ACOXL: variants seen among roughly 807,000 people sequenced by gnomAD.
ACOXL encodes acyl-coenzyme A oxidase-like protein.
A neutral mutation model predicts 71.9 loss-of-function variants in ACOXL; 70 were observed. That is an observed-to-expected ratio of 0.97 (90% CI 0.80 to 1.19). The LOEUF (loss-of-function observed/expected upper bound fraction) is 1.19, where lower values mean the gene tolerates loss of function less well. ACOXL is among the 50% of genes most tolerant of loss of function. The pLI is 0.00. For synonymous variants in ACOXL, 253 were observed against 281.6 expected, an observed-to-expected ratio of 0.90 and a Z score of 1.02; for missense variants, 703 against 736.3, an observed-to-expected ratio of 0.95 and a Z score of 0.52.
chr2:111,083,147 CA>C (rs1574706829), intron 16 of ACOXL, among the ~76,000 whole-genome samples: 1 of 152,080 alleles, frequency 6.6e-6, no homozygotes, highest in East Asian at 1.9e-4. Context: ...CAAACCTGCA[CA>C]TTCTGCGCAT....
intron 10 of ACOXL, among the ~76,000 whole-genome samples, chr2:110,901,697 C>T (rs1005482621): frequency 2.0e-5 from 3 of 151,990 alleles, no homozygotes; most frequent in African/African-American, 7.3e-5. Context: ...TACACACACA[C>T]AGGCTTCTTC....
rs151316915 is a variant in ACOXL at position 110,993,917 on chromosome 2, A to G, written c.1170-1976A>G. 4.5e-3 allele frequency among the ~76,000 whole-genome samples: 684 copies of G among 152,342 alleles called. 5 individuals carry two copies. Among genetic ancestry groups the G allele is most frequent in the African/African-American group, 0.015 (643 of 41,570 alleles). On this transcript the variant is annotated intron_variant, in intron 13 of 17. Transcript: ENST00000439055. ...AATTTAATTTAAACTTTATTTAAAA[A>G]TAGAGTCATTTGGATCTTCTTGTAA...
chr2:111,117,905 T>C lies in ACOXL; in HGVS notation c.*89T>C. On this transcript the variant is annotated 3_prime_UTR_variant, in exon 18 of 18. Coordinates refer to ENST00000439055, the MANE Select transcript of ACOXL (RefSeq NM_001142807.4). ...CAGAGCTGTGGCCGAGGCCGGGGGC[T>C]GGCACCCGCTGGGCCGCCACTCTCG... The C allele has an allele frequency of 1.4e-6, 2 of 1,387,068 alleles. No individual in the cohort carries two copies. The highest frequency in any genetic ancestry group is 1.9e-6 in the Non-Finnish European group (2 of 1,042,086). The allele number at this position is 1,387,068 out of a possible 1,614,324, so 85.9% of individuals were successfully genotyped here. A position where few individuals can be genotyped will look rare whatever the true frequency, so the allele number is the denominator to read the frequency against.
chr2:110,777,470 A>G (rs1031815155), intron 2 of ACOXL, among the ~76,000 whole-genome samples: 4 of 152,248 alleles, frequency 2.6e-5, no homozygotes, highest in Admixed American at 2.6e-4. Flanking sequence ...TCTAAAGTTC[A>G]TAGTAAATGA....
chr2:110,823,018 C>G (rs150970366), intron 9 of ACOXL, among the ~76,000 whole-genome samples: 104 of 152,188 alleles, frequency 6.8e-4, no homozygotes, highest in African/African-American at 2.3e-3. Flanking sequence ...TTTGGGAGGC[C>G]GAAGCAGGTG....
chr2:110,902,746 C>T (rs1040380697), intron 10 of ACOXL, among the ~76,000 whole-genome samples: 14 of 152,174 alleles, frequency 9.2e-5, no homozygotes, highest in African/African-American at 2.9e-4. Context: ...AAATATTTGC[C>T]CTCTGAGTTT....
At chr2:110,981,463 G>C (rs199583794) in intron 12 of ACOXL, among the ~76,000 whole-genome samples, 1 of 152,176 alleles carries the variant, frequency 6.6e-6, no homozygotes. Context: ...TTGGACCATG[G>C]GGTGAGCGAT....
intron 14 of ACOXL, among the ~76,000 whole-genome samples, chr2:110,998,568 G>A (rs938153562): frequency 1.3e-5 from 2 of 152,192 alleles, no homozygotes; most frequent in African/African-American, 4.8e-5. Flanking sequence ...CCCATTAATT[G>A]TGATATCCCC....
intron 11 of ACOXL, among the ~76,000 whole-genome samples, chr2:110,919,885 A>AAT (rs2149285785): frequency 6.6e-6 from 1 of 152,306 alleles, no homozygotes; most frequent in Non-Finnish European, 1.5e-5. Flanking sequence ...TGTGTGAGTC[A>AAT]ATATTTTCCT....
intron 17 of ACOXL, among the ~76,000 whole-genome samples, chr2:111,109,599 T>C (rs914862474): frequency 5.3e-5 from 8 of 152,060 alleles, no homozygotes; most frequent in Admixed American, 3.3e-4. Flanking sequence ...TTTCCTTTCA[T>C]TCTTTCTTAG....
chr2:111,085,150 A>G (rs960291437), intron 16 of ACOXL, among the ~76,000 whole-genome samples: 1 of 152,154 alleles, frequency 6.6e-6, no homozygotes, highest in African/African-American at 2.4e-5. Context: ...CAGCACCTCA[A>G]TGACAGTATT....
intron 2 of ACOXL, among the ~76,000 whole-genome samples, chr2:110,775,547 G>GA (rs897696949): frequency 1.3e-5 from 2 of 151,724 alleles, no homozygotes; most frequent in South Asian, 2.1e-4. Context: ...AACTCAACAA[G>GA]AAAAAAACCA....
chr2:110,836,025 C>T (rs923568138), intron 9 of ACOXL, among the ~76,000 whole-genome samples: 24 of 152,168 alleles, frequency 1.6e-4, no homozygotes, highest in African/African-American at 5.8e-4. Flanking sequence ...TTACTTCCAC[C>T]AGCATCTCTA....
chr2:110,859,193 A>G (rs977224825), intron 10 of ACOXL, among the ~76,000 whole-genome samples: 1 of 152,228 alleles, frequency 6.6e-6, no homozygotes, highest in African/African-American at 2.4e-5. Context: ...TCCAAAACAA[A>G]GAGAAAGAGA....
At chr2:110,875,080 A>G (rs555240785) in intron 10 of ACOXL, among the ~76,000 whole-genome samples, 42 of 152,274 alleles carry the variant, frequency 2.8e-4, no homozygotes, top group African/African-American at 9.9e-4. Flanking sequence ...ACCTGAAGGC[A>G]GCCTCTGAGC....
intron 12 of ACOXL, among the ~76,000 whole-genome samples, chr2:110,948,323 G>A (rs2061190592): frequency 6.6e-6 from 1 of 152,216 alleles, no homozygotes; most frequent in Non-Finnish European, 1.5e-5. Flanking sequence ...GAACGCTGAA[G>A]CAATTCCAAG....
At chr2:111,088,517 A>G (rs2068344121) in intron 16 of ACOXL, among the ~76,000 whole-genome samples, 1 of 152,220 alleles carries the variant, frequency 6.6e-6, no homozygotes, top group African/African-American at 2.4e-5. Flanking sequence ...TATCCTTAAC[A>G]AGCCAGCCCA....
At chr2:110,755,708 T>C (rs1679585696) in intron 1 of ACOXL, among the ~76,000 whole-genome samples, 1 of 152,196 alleles carries the variant, frequency 6.6e-6, no homozygotes, top group Admixed American at 6.5e-5. Context: ...ACATACTCCA[T>C]CTAGTGGTTC....
chr2:111,004,171 A>G (rs1483748812), intron 14 of ACOXL, among the ~76,000 whole-genome samples: 1 of 152,248 alleles, frequency 6.6e-6, no homozygotes, highest in East Asian at 1.9e-4. Flanking sequence ...GATCTTCTAA[A>G]AATAACCCTG....
Sources: gnomAD v4.1 joint callset for allele counts (sites outside exome capture counted in the v4.1 genomes callset) on GRCh38, gnomAD v4.1.1 for gene constraint, MANE v1.5 for transcripts, NCBI Gene and HGNC (gene_info 2026-07-23, HGNC 2026-07-21) for gene names.